CLASP1: variants seen among roughly 807,000 people sequenced by gnomAD.
CLASP1 encodes cytoplasmic linker associated protein 1.
In CLASP1, 38 loss-of-function variants were observed where a neutral mutation model predicts 192.3. The ratio of observed to expected loss-of-function variants is 0.20; its 90% confidence interval spans 0.15 to 0.26. The LOEUF (loss-of-function observed/expected upper bound fraction) is 0.26. Among genes scored for constraint, CLASP1 ranks in the 10% least tolerant of loss-of-function variants. CLASP1 has a pLI of 1.00. For synonymous variants in CLASP1, 691 were observed against 712.8 expected (o/e 0.97, Z 0.49); for missense variants, 1,433 against 1,932.5 (o/e 0.74, Z 4.85).
At chr2:121,459,061 T>C (rs2087293629) in intron 12 of CLASP1, 86 bp from the exon 13 acceptor site, 1 of 981,154 alleles carries the variant, frequency 1.0e-6, no homozygotes, top group African/African-American at 1.7e-5. Context: ...AGAGCCTTCA[T>C]TTAAAGTTAT....
At chr2:121,569,262 T>A (rs1447711200) in intron 2 of CLASP1, among the ~76,000 whole-genome samples, 1 of 152,112 alleles carries the variant, frequency 6.6e-6, no homozygotes, top group South Asian at 2.1e-4. Context: ...TTCTAAACAG[T>A]GAGTTTAAGC....
intron 6 of CLASP1, among the ~76,000 whole-genome samples, chr2:121,525,249 T>C (rs2094548828): frequency 6.6e-6 from 1 of 152,136 alleles, no homozygotes; most frequent in Non-Finnish European, 1.5e-5. Flanking sequence ...TTGTACAACT[T>C]TGTGAATTGC....
intron 2 of CLASP1, among the ~76,000 whole-genome samples, chr2:121,544,029 C>T (rs1041056287): frequency 6.6e-6 from 1 of 152,154 alleles, no homozygotes; most frequent in Non-Finnish European, 1.5e-5. Flanking sequence ...AAGGTCACTC[C>T]GCGATTATGT....
intron 24 of CLASP1, 95 bp from the exon 26 acceptor site, chr2:121,407,810 T>C (rs1559072484): frequency 7.0e-7 from 1 of 1,421,150 alleles, no homozygotes; most frequent in Non-Finnish European, 9.9e-7. Context: ...AACAAAGAGT[T>C]AAGTGTAAAA....
In CLASP1 at chr2:121,638,678, T is replaced by A. The variant is rs551610181; in HGVS notation, c.-286+10694A>T. 3.9e-5 allele frequency among the ~76,000 whole-genome samples: 6 copies of A among 152,048 alleles called. No individual in the cohort carries two copies. In the East Asian group the frequency reaches 5.8e-4, roughly 15 times the overall value. ...GAATGGTGTTCTTTTTTATTTTTTT[T>A]TTTTTTGAGACAGAGTTTTGCTCTT... On this transcript the variant is annotated intron_variant, in intron 1 of 39. Transcript: ENST00000263710.
At chr2:121,427,596 T>C in intron 20 of CLASP1, 166 bp from the exon 21 acceptor site, 1 of 684,776 alleles carries the variant, frequency 1.5e-6, no homozygotes, top group Middle Eastern at 2.5e-4. Flanking sequence ...TGTACTTATG[T>C]TTATCTTTGT....
intron 8 of CLASP1, among the ~76,000 whole-genome samples, chr2:121,489,638 A>T (rs763261524): frequency 6.6e-6 from 1 of 152,352 alleles, no homozygotes; most frequent in African/African-American, 2.4e-5. Flanking sequence ...TTTACACAGA[A>T]TCTTTTAAAA....
In CLASP1 at chr2:121,530,919, C is replaced by G. The variant is rs139495292; in HGVS notation, c.196-594G>C. On this transcript the variant is annotated intron_variant, in intron 2 of 39. Coordinates refer to ENST00000263710, the Ensembl canonical transcript of CLASP1. ...TGGGGTTGCGCTACTGTCCAATGAG[C>G]GCATAGTGAGGGCAGTACTGCTAAC... The G allele has an allele frequency of 1.7e-5, 12 of 699,610 alleles. No homozygotes were observed. The highest frequency in any genetic ancestry group is 3.0e-5 in the South Asian group (2 of 67,500). 43.3% of individuals were successfully genotyped at this position (699,610 alleles called of 1,614,324 possible).
At chr2:121,351,349 TTG>T (rs1360715838) in intron 37 of CLASP1, among the ~76,000 whole-genome samples, 1 of 152,222 alleles carries the variant, frequency 6.6e-6, no homozygotes. Flanking sequence ...GTAGACGGCT[TTG>T]TATTTCTGGT....
In CLASP1 at chr2:121,445,485, T is replaced by C. The variant is rs2084153433; in HGVS notation, c.1912+1852A>G. ...CCTATGTACTCCATGTCTTCCCTCA[T>C]GTGTCTGGACTCTAGAAGTTTGGAA... On this transcript the variant is annotated intron_variant, in intron 19 of 39. Coordinates refer to ENST00000263710, the Ensembl canonical transcript of CLASP1. 3 of 1,289,270 alleles carry C rather than the reference T, an allele frequency of 2.3e-6. No individual in the cohort carries two copies. In the South Asian group the frequency reaches 3.7e-5, roughly 16 times the overall value. 79.9% of individuals were successfully genotyped at this position (1,289,270 alleles called of 1,614,324 possible). A position where few individuals can be genotyped will look rare whatever the true frequency, so the allele number is the denominator to read the frequency against.
At chr2:121,527,089 T>C (rs1218386414) in intron 5 of CLASP1, among the ~76,000 whole-genome samples, 1 of 152,208 alleles carries the variant, frequency 6.6e-6, no homozygotes, top group African/African-American at 2.4e-5. Flanking sequence ...CAGTACCTTT[T>C]AAACTAAAAA....
chr2:121,371,385 C>T (rs1457476989), intron 34 of CLASP1, among the ~76,000 whole-genome samples: 2 of 151,894 alleles, frequency 1.3e-5, no homozygotes, highest in African/African-American at 4.8e-5. Context: ...GTGCACACCA[C>T]CACATCTAGA....
chr2:121,487,660 T>C (rs1452304552), intron 8 of CLASP1, among the ~76,000 whole-genome samples: 1 of 152,202 alleles, frequency 6.6e-6, no homozygotes, highest in Non-Finnish European at 1.5e-5. Flanking sequence ...ACAGAGCTTA[T>C]GGGGCTTTGG....
At chr2:121,346,269 T>C (rs1389657873) in intron 39 of CLASP1, among the ~76,000 whole-genome samples, 1 of 152,194 alleles carries the variant, frequency 6.6e-6, no homozygotes, top group Non-Finnish European at 1.5e-5. Context: ...GCTGGCCTCC[T>C]CTCTGGGAAC....
At chr2:121,486,018 C>A (rs891190409) in intron 8 of CLASP1, among the ~76,000 whole-genome samples, 1 of 152,122 alleles carries the variant, frequency 6.6e-6, no homozygotes, top group Non-Finnish European at 1.5e-5. Context: ...ACCAGGCAGG[C>A]ATGAGGAAAG....
chr2:121,393,930 T>C (rs1299182520), intron 30 of CLASP1, among the ~76,000 whole-genome samples: 1 of 150,580 alleles, frequency 6.6e-6, no homozygotes, highest in Non-Finnish European at 1.5e-5. Context: ...GCTAAGTAAG[T>C]TGAACCACAT....
chr2:121,380,539 G>A (rs1351641965), intron 33 of CLASP1, among the ~76,000 whole-genome samples: 1 of 152,182 alleles, frequency 6.6e-6, no homozygotes, highest in East Asian at 1.9e-4. Flanking sequence ...CCCGCTAAAG[G>A]ATCCATGTCG....
chr2:121,447,073 G>C (rs1258718238), intron 19 of CLASP1, among the ~76,000 whole-genome samples: 1 of 152,284 alleles, frequency 6.6e-6, no homozygotes, highest in South Asian at 2.1e-4. Flanking sequence ...GTTGAGGAAA[G>C]GACGTGCTCA....
rs1481803540 is a variant in CLASP1, at chr2:121,370,759, C to T, written c.3643-2928G>A. On this transcript the variant is annotated intron_variant, in intron 34 of 39. Transcript: ENST00000263710. The stretch of plus-strand genomic sequence containing the variant: ...TCCTGGCCCTGCAGCTCTGCCACTG[C>T]ACTCCCCCCACTCCACCTGTCCCTA... Among the ~76,000 whole-genome samples, 4 of 152,210 alleles carry T rather than the reference C, an allele frequency of 2.6e-5. No homozygotes were observed. In the South Asian group the frequency reaches 6.2e-4, roughly 24 times the overall value.
Sources: allele counts gnomAD v4.1 joint callset (sites outside exome capture counted in the v4.1 genomes callset), GRCh38; gene constraint gnomAD v4.1.1; transcripts MANE v1.5; gene names NCBI Gene and HGNC (gene_info 2026-07-23, HGNC 2026-07-21).